The following SMYD4 variants were observed in gnomAD, a reference collection of about 807,000 sequenced individuals.
SMYD4 encodes the protein protein-lysine N-methyltransferase SMYD4.
A neutral mutation model predicts 72.8 loss-of-function variants in SMYD4; 68 were observed. The observed-to-expected ratio is 0.93, with a 90% CI of 0.77 to 1.14. SMYD4 has a LOEUF of 1.14. Among genes scored for constraint, SMYD4 ranks in the 50% most tolerant of loss-of-function variants. The probability of loss-of-function intolerance (pLI) is 0.00; values close to 1 mark genes in which losing one functional copy is unlikely to be tolerated. For synonymous variants in SMYD4, 407 were observed against 388.6 expected (o/e 1.05, Z -0.56); for missense variants, 984 against 1,003.7 (o/e 0.98, Z 0.27).
chr17:1,824,458 T>C (rs1257011488), intron 2 of SMYD4, among the ~76,000 whole-genome samples: 2 of 152,148 alleles, frequency 1.3e-5, no homozygotes, highest in Admixed American at 1.3e-4. Flanking sequence ...TGATATGGCG[T>C]GGCTGTGTCC....
chr17:1,824,557 T>A, intron 2 of SMYD4, among the ~76,000 whole-genome samples: 1 of 152,106 alleles, frequency 6.6e-6, no homozygotes, highest in Middle Eastern at 3.4e-3. Context: ...GTGGGAGTGG[T>A]TTCCCCATGC....
In SMYD4 at chr17:1,781,434, G is replaced by A. The variant is rs1240801097; in HGVS notation, c.2267C>T (p.Ala756Val). ...KLAQIFFNGF[A>V]VPEALSTIQK... ...TATTGTGCTCAGGGCTTCGGGTACT[G>A]CAAACCTGAGCCAAGGGAGGTAAGA... is the stretch of plus-strand genomic sequence containing the variant. Residue 756 changes from alanine to valine, a missense_variant, in exon 11 of 11, where the codon GCA becomes GTA. Coordinates refer to ENST00000305513, the MANE Select transcript of SMYD4 (RefSeq NM_052928.3). 3 of 1,613,030 alleles carry A rather than the reference G, an allele frequency of 1.9e-6. No individual in the cohort carries two copies. The highest frequency in any genetic ancestry group is 1.7e-5 in the Admixed American group (1 of 59,692).
At chr17:1,786,236 G>A (rs1013707248) in intron 7 of SMYD4, among the ~76,000 whole-genome samples, 9 of 152,222 alleles carry the variant, frequency 5.9e-5, no homozygotes, top group African/African-American at 2.2e-4. Flanking sequence ...TCCGCAGGCT[G>A]GGCTGCTGGC....
chr17:1,785,033 C>T (rs1397114570), intron 7 of SMYD4, among the ~76,000 whole-genome samples: 2 of 149,212 alleles, frequency 1.3e-5, no homozygotes, highest in African/African-American at 4.9e-5. Flanking sequence ...ATGATCCGCT[C>T]GCCTCAGCCT....
intron 2 of SMYD4, among the ~76,000 whole-genome samples, chr17:1,812,545 C>CT (rs71150818): frequency 0.035 from 2,239 of 63,652 alleles, 120 homozygotes; most frequent in African/African-American, 0.056. Flanking sequence ...AGCAGAATTT[C>CT]TTTTTTTTTT....
intron 8 of SMYD4, 22 bp from the exon 9 acceptor site, chr17:1,783,498 G>A (rs568433621): frequency 3.3e-5 from 52 of 1,584,864 alleles, no homozygotes; most frequent in Middle Eastern, 1.7e-4. Flanking sequence ...GAGGAAAGAC[G>A]TCTCACTATA....
Position 1,800,102 on chromosome 17 carries a change from T to C in SMYD4, c.1292A>G (p.His431Arg), listed in dbSNP as rs982668034. The C allele has an allele frequency of 6.2e-7, 1 of 1,611,292 alleles. No individual in the cohort carries two copies. The highest frequency in any genetic ancestry group is 8.5e-7 in the Non-Finnish European group (1 of 1,178,104). ...NYNAVFNLLP[H>R]TENHSPEHKF... ...GTGCTCTGGGCTATGGTTTTCAGTG[T>C]GGGGCAAAAGGTTGAAGACAGCATT... The change falls in exon 5 of 11, where the codon CAC becomes CGC. Residue 431 changes from histidine (H) to arginine (R), a missense_variant. Transcript: ENST00000305513.
intron 2 of SMYD4, among the ~76,000 whole-genome samples, chr17:1,815,685 A>G (rs1910555291): frequency 2.1e-5 from 3 of 142,976 alleles, no homozygotes; most frequent in South Asian, 2.2e-4. Context: ...TGAGGTAGTA[A>G]GATGGAAAAA....
chr17:1,779,618 G>T lies in SMYD4; in HGVS notation c.*1668C>A, dbSNP rs1008183944. On this transcript the variant is annotated 3_prime_UTR_variant, in exon 11 of 11. Coordinates refer to ENST00000305513, the MANE Select transcript of SMYD4 (RefSeq NM_052928.3). Reference sequence around the variant, plus strand: ...TGCCAAGAGTACAGAATGAAGGGCAGAGAGTAAGGACTGGAAAACTGGCAG... The same window carrying T: ...TGCCAAGAGTACAGAATGAAGGGCATAGAGTAAGGACTGGAAAACTGGCAG... 6.6e-6 allele frequency: 1 copy of T among 152,264 alleles called. No homozygotes were observed. The highest frequency in any genetic ancestry group is 1.5e-5 in the Non-Finnish European group (1 of 68,066). 9.4% of individuals were successfully genotyped at this position (152,264 alleles called of 1,614,324 possible).
Position 1,788,561 on chromosome 17 carries a change from C to T in SMYD4, c.1538-957G>A, listed in dbSNP as rs375503887. 2.6e-4 allele frequency among the ~76,000 whole-genome samples: 39 copies of T among 151,732 alleles called. 1 individual carries two copies. In the East Asian group the frequency reaches 5.6e-3, roughly 22 times the overall value. Reference sequence around the variant, plus strand: ...GAGATCGAGACCATCCTGACTAACACGGTGAAATCCCGTCTCTACTAAAAA... The same window carrying T: ...GAGATCGAGACCATCCTGACTAACATGGTGAAATCCCGTCTCTACTAAAAA... On this transcript the variant is annotated intron_variant, in intron 5 of 10. Transcript: ENST00000305513.
At position 1,811,987 on chromosome 17, in the gene SMYD4, G is replaced by T. The variant is rs112190091; in HGVS notation, c.263C>A (p.Ala88Glu). 1 of 1,614,044 alleles carries T rather than the reference G, an allele frequency of 6.2e-7. No individual in the cohort carries two copies. The highest frequency in any genetic ancestry group is 2.2e-5 in the East Asian group (1 of 44,872). ...GTGTTTTACCTTAGAGTACAGCACT[G>T]CAGCTCCTGTGTAATCTTTCTCCTG... ...KFQEKDYTGA[A>E]VLYSKGVSHS... is the part of the protein sequence containing the mutation. Residue 88 changes from alanine (A) to glutamate (E), a missense_variant, in exon 3 of 11, where the codon GCA (alanine) becomes GAA (glutamate). Transcript: ENST00000305513.
At chr17:1,827,822 T>C in intron 2 of SMYD4, 39 bp downstream of exon 2, 1 of 1,574,970 alleles carries the variant, frequency 6.3e-7, no homozygotes, top group South Asian at 1.1e-5. Context: ...AGAACATTTT[T>C]TGGCTCACAA....
chr17:1,828,162 A>G (rs1911301880), intron 1 of SMYD4, among the ~76,000 whole-genome samples, 156 bp from the exon 2 acceptor site: 1 of 152,136 alleles, frequency 6.6e-6, no homozygotes, highest in Non-Finnish European at 1.5e-5. Context: ...CATCCTGGCT[A>G]ACACAGTGAA....
Position 1,790,075 on chromosome 17 carries a change from G to A in SMYD4, c.1538-2471C>T, listed in dbSNP as rs151077879. On this transcript the variant is annotated intron_variant, in intron 5 of 10. Transcript: ENST00000305513. The stretch of plus-strand genomic sequence containing the variant: ...AAAAGGCAGGTGGCAGGAAGGAGCC[G>A]TCCAGGGCATGAACAATTTGTCGTC... Among the ~76,000 whole-genome samples, 48 of 152,312 alleles carry A rather than the reference G, an allele frequency of 3.2e-4. 1 individual carries two copies. The East Asian group carries it at 6.4e-3, about 20-fold the overall frequency.
chr17:1,783,564 T>C, intron 8 of SMYD4, 88 bp from the exon 9 acceptor site: 1 of 1,514,892 alleles, frequency 6.6e-7, no homozygotes, highest in Non-Finnish European at 8.9e-7. Context: ...CTGAATCAGC[T>C]GGGCTGAATG....
intron 2 of SMYD4, among the ~76,000 whole-genome samples, chr17:1,812,932 A>G (rs1021555921): frequency 2.3e-5 from 3 of 132,350 alleles, no homozygotes; most frequent in African/African-American, 8.8e-5. Context: ...CTCGGATCAT[A>G]CATCATAAAA....
At chr17:1,808,190 G>A (rs994010931) in intron 3 of SMYD4, among the ~76,000 whole-genome samples, 1 of 152,118 alleles carries the variant, frequency 6.6e-6, no homozygotes, top group African/African-American at 2.4e-5. Context: ...ATAGAAAGAT[G>A]CTCATTGCAG....
rs1555575707 is a variant in SMYD4, at chr17:1,794,057, G to GTGTA, written c.1537+5799_1537+5800insTACA. ...TATATGTATGTATATATATATGTGTGTATATATATGTGTATATATATGTGT... is the reference window on the plus strand; with the variant it reads ...TATATGTATGTATATATATATGTGTGTGTATATATATATGTGTATATATATGTGT... On this transcript the variant is annotated intron_variant, in intron 5 of 10. Transcript: ENST00000305513. Among the ~76,000 whole-genome samples the GTGTA allele has an allele frequency of 6.0e-3, 282 of 46,750 alleles. 11 individuals are homozygous for GTGTA. The highest frequency in any genetic ancestry group is 0.02 in the East Asian group (41 of 2,020). 30.7% of individuals were successfully genotyped at this position (46,750 alleles called of 152,430 possible).
intron 5 of SMYD4, among the ~76,000 whole-genome samples, chr17:1,792,472 C>T (rs1567769705): frequency 6.6e-6 from 1 of 152,040 alleles, no homozygotes; most frequent in Non-Finnish European, 1.5e-5. Flanking sequence ...ACGGTGAAAC[C>T]CTGTCTCTAC....
Sources: gnomAD v4.1 joint callset for allele counts (sites outside exome capture counted in the v4.1 genomes callset) on GRCh38, gnomAD v4.1.1 for gene constraint, MANE v1.5 for transcripts, NCBI Gene and HGNC (gene_info 2026-07-23, HGNC 2026-07-21) for gene names.